The following RBFOX1 variants were observed in gnomAD, a reference collection of about 807,000 sequenced individuals.
The protein encoded by RBFOX1 is RNA binding protein fox-1 homolog 1.
In RBFOX1, 8 loss-of-function variants were observed where a neutral mutation model predicts 57.7. The ratio of observed to expected loss-of-function variants is 0.14; its 90% confidence interval spans 0.08 to 0.25. The LOEUF (loss-of-function observed/expected upper bound fraction) is 0.25. Ranked by LOEUF, RBFOX1 falls within the 10% of genes least tolerant of loss-of-function variation. The pLI is 1.00. For synonymous variants in RBFOX1, 326 were observed against 222.4 expected, an observed-to-expected ratio of 1.47 and a Z score of -4.15; for missense variants, 611 against 548.5, an observed-to-expected ratio of 1.11 and a Z score of -1.14.
intron 1 of RBFOX1, among the ~76,000 whole-genome samples, chr16:6,258,921 T>C (rs578086880): frequency 2.0e-5 from 3 of 152,140 alleles, no homozygotes; most frequent in Non-Finnish European, 4.4e-5. Flanking sequence ...TTAAAAACAT[T>C]TAAATGTTTA....
chr16:5,496,623 A>C (rs762611334), intron 2 of RBFOX1, among the ~76,000 whole-genome samples: 2 of 152,192 alleles, frequency 1.3e-5, no homozygotes, highest in Non-Finnish European at 2.9e-5. Flanking sequence ...GGGCTGGATC[A>C]TAGCAAGCAA....
intron 2 of RBFOX1, among the ~76,000 whole-genome samples, chr16:5,480,115 G>A (rs945792583): frequency 6.6e-6 from 1 of 152,202 alleles, no homozygotes; most frequent in Non-Finnish European, 1.5e-5. Context: ...GGTCTCCTCC[G>A]CAGAGAGGGA....
At chr16:6,849,896 TTG>T (rs2093974905) in intron 3 of RBFOX1, among the ~76,000 whole-genome samples, 1 of 152,124 alleles carries the variant, frequency 6.6e-6, no homozygotes, top group African/African-American at 2.4e-5. Context: ...TTATAATTAT[TTG>T]TGTGTGTATA....
At chr16:6,692,112 A>G (rs980006826) in intron 3 of RBFOX1, among the ~76,000 whole-genome samples, 4 of 152,236 alleles carry the variant, frequency 2.6e-5, no homozygotes, top group African/African-American at 7.2e-5. Flanking sequence ...AGTTATTTTA[A>G]GTAAGTTTAA....
At chr16:6,250,364 C>T (rs183632951) in intron 1 of RBFOX1, among the ~76,000 whole-genome samples, 2 of 152,280 alleles carry the variant, frequency 1.3e-5, no homozygotes, top group South Asian at 2.1e-4. Flanking sequence ...CGAACTACCT[C>T]ATGACTAGGA....
chr16:5,714,875 A>G (rs1238938709), intron 3 of RBFOX1, among the ~76,000 whole-genome samples: 1 of 152,124 alleles, frequency 6.6e-6, no homozygotes, highest in Non-Finnish European at 1.5e-5. Flanking sequence ...CGTAGCTAGT[A>G]GACATCTCAG....
At chr16:5,462,231 C>T (rs1480791516) in intron 1 of RBFOX1, among the ~76,000 whole-genome samples, 1 of 144,858 alleles carries the variant, frequency 6.9e-6, no homozygotes, top group South Asian at 2.2e-4. Flanking sequence ...TGCAGCGGCA[C>T]TATCTCGGCT....
intron 4 of RBFOX1, among the ~76,000 whole-genome samples, chr16:7,384,245 G>T (rs985899269): frequency 2.0e-5 from 3 of 151,742 alleles, no homozygotes; most frequent in Admixed American, 1.3e-4. Flanking sequence ...GAAAAGCAAG[G>T]AGTATGAAAC....
intron 3 of RBFOX1, among the ~76,000 whole-genome samples, chr16:7,045,063 A>G (rs61437606): frequency 0.13 from 19,112 of 152,054 alleles, 2,072 homozygotes; most frequent in East Asian, 0.29. Context: ...TCTTCACGGA[A>G]GATGTGAGGA....
chr16:6,489,608 G>A (rs2095584949), intron 2 of RBFOX1, among the ~76,000 whole-genome samples: 1 of 152,116 alleles, frequency 6.6e-6, no homozygotes, highest in East Asian at 1.9e-4. Context: ...CCTAAGCGTT[G>A]AGGCACCATC....
intron 3 of RBFOX1, among the ~76,000 whole-genome samples, chr16:6,965,307 T>A (rs902134313): frequency 6.7e-6 from 1 of 149,912 alleles, no homozygotes; most frequent in South Asian, 2.1e-4. Context: ...AATTTCCTTT[T>A]TCTTTTGTTG....
Position 6,019,815 on chromosome 16 carries a change from G to C in RBFOX1, c.-304G>C. 6.7e-7 allele frequency: 1 copy of C among 1,500,672 alleles called. No individual in the cohort carries two copies. The highest frequency in any genetic ancestry group is 2.5e-5 in the East Asian group (1 of 39,398). 93.0% of individuals were successfully genotyped at this position (1,500,672 alleles called of 1,614,324 possible). A position where few individuals can be genotyped will look rare whatever the true frequency, so the allele number is the denominator to read the frequency against. ...TCCGGACCCTCGCCGCGCCCAGGCAGGCGCGCCAGGGCGGGGCTGACCTGC... is the reference window on the plus strand; with the variant it reads ...TCCGGACCCTCGCCGCGCCCAGGCACGCGCGCCAGGGCGGGGCTGACCTGC... On this transcript the variant is annotated 5_prime_UTR_variant, in exon 1 of 16. Transcript: ENST00000550418. This position sits in a 1 kb window ranked among gnomAD's most constrained non-coding sequence, Gnocchi z 4.2.
intron 4 of RBFOX1, among the ~76,000 whole-genome samples, chr16:5,917,588 C>T (rs1213740254): frequency 6.6e-6 from 1 of 152,202 alleles, no homozygotes; most frequent in Non-Finnish European, 1.5e-5. Context: ...AAACTCTGGA[C>T]TGCACTGGGT....
At chr16:6,674,643 G>C (rs1397703841) in intron 3 of RBFOX1, among the ~76,000 whole-genome samples, 3 of 152,084 alleles carry the variant, frequency 2.0e-5, no homozygotes, top group Admixed American at 1.3e-4. Context: ...TTATAAGATG[G>C]AGACCTGGAG....
At chr16:5,564,129 T>A (rs1268031483) in intron 2 of RBFOX1, among the ~76,000 whole-genome samples, 3 of 152,098 alleles carry the variant, frequency 2.0e-5, no homozygotes, top group Non-Finnish European at 4.4e-5. Context: ...TTCTCCTGCC[T>A]CAGCATCCAG....
intron 1 of RBFOX1, among the ~76,000 whole-genome samples, chr16:6,230,964 C>A (rs1465538500): frequency 1.3e-5 from 2 of 152,082 alleles, no homozygotes; most frequent in African/African-American, 4.8e-5. Context: ...TTTATAGGGG[C>A]TTGCAGTCTG....
intron 1 of RBFOX1, among the ~76,000 whole-genome samples, chr16:5,251,351 C>T (rs573618662): frequency 2.0e-5 from 3 of 152,380 alleles, no homozygotes; most frequent in South Asian, 4.1e-4. Context: ...GTTGACAGCA[C>T]GTTCACGGCG....
chr16:5,740,379 C>A (rs2052730532), intron 3 of RBFOX1, among the ~76,000 whole-genome samples: 1 of 152,172 alleles, frequency 6.6e-6, no homozygotes, highest in African/African-American at 2.4e-5. Context: ...GCCACAGTCC[C>A]AGCAACAGTG....
intron 3 of RBFOX1, among the ~76,000 whole-genome samples, chr16:6,903,672 A>G (rs1340545215): frequency 6.6e-6 from 1 of 152,156 alleles, no homozygotes; most frequent in Non-Finnish European, 1.5e-5. Flanking sequence ...TTTACCTAAA[A>G]AGAGATGCCT....
Sources: allele counts gnomAD v4.1 joint callset (sites outside exome capture counted in the v4.1 genomes callset), GRCh38; gene constraint gnomAD v4.1.1; non-coding constraint Gnocchi (gnomAD v3.1); transcripts MANE v1.5; gene names NCBI Gene and HGNC (gene_info 2026-07-23, HGNC 2026-07-21).